PALLD: variants seen among roughly 807,000 people sequenced by gnomAD.
The protein encoded by PALLD is palladin.
Under a neutral mutation model 123.5 loss-of-function variants are expected in PALLD, and 61 were observed. The ratio of observed to expected loss-of-function variants is 0.49; its 90% CI spans 0.40 to 0.61. The LOEUF is 0.61. Among genes scored for constraint, PALLD ranks in the 20% least tolerant of loss-of-function variants. The pLI is 0.00. For missense variants in PALLD, 1,273 were observed against 1,377.0 expected, an observed-to-expected ratio of 0.92 and a Z score of 1.20; for synonymous variants, 465 against 496.4, an observed-to-expected ratio of 0.94 and a Z score of 0.84.
chr4:168,817,288 A>G (rs2150774164), intron 10 of PALLD, among the ~76,000 whole-genome samples: 1 of 152,336 alleles, frequency 6.6e-6, no homozygotes, highest in Admixed American at 6.5e-5. Flanking sequence ...GCACCATCAC[A>G]TTCCCTTTAT....
In PALLD at chr4:168,800,348, G is replaced by A. The variant is rs202011618; in HGVS notation, c.1964+88425G>A. 8.5e-5 allele frequency among the ~76,000 whole-genome samples: 13 copies of A among 152,212 alleles called. 1 individual carries two copies. In the East Asian group the frequency reaches 2.3e-3, roughly 27 times the overall value. ...GTGGAAAGTATTTGCAACTTATGTA[G>A]ACAACACTGGACCAGAATATGTGGG... is the stretch of plus-strand genomic sequence containing the variant. On this transcript the variant is annotated intron_variant, in intron 10 of 21. Coordinates refer to ENST00000505667, the MANE Select transcript of PALLD (RefSeq NM_001166108.2).
intron 1 of PALLD, among the ~76,000 whole-genome samples, chr4:168,509,669 T>A (rs1053279397): frequency 6.6e-6 from 1 of 152,032 alleles, no homozygotes; most frequent in African/African-American, 2.4e-5. Flanking sequence ...TGAAGAAGAG[T>A]GCGAAATATG....
chr4:168,926,315 C>T lies in PALLD; in HGVS notation c.*135C>T, dbSNP rs1314886283. 3.9e-6 allele frequency: 6 copies of T among 1,537,090 alleles called. No individual in the cohort carries two copies. The African/African-American group carries it at 4.1e-5, about 11-fold the overall frequency. On this transcript the variant is annotated 3_prime_UTR_variant, in exon 22 of 22. Transcript: ENST00000505667. ...GACCAGGGACTAGACATCAAAGCAGCGTTCCAACCTGAGGCCAACCCATCT... is the reference window on the plus strand; with the variant it reads ...GACCAGGGACTAGACATCAAAGCAGTGTTCCAACCTGAGGCCAACCCATCT...
chr4:168,795,485 G>A (rs1024875320), intron 10 of PALLD, among the ~76,000 whole-genome samples: 4 of 152,124 alleles, frequency 2.6e-5, no homozygotes, highest in Non-Finnish European at 5.9e-5. Flanking sequence ...AAATATGAAC[G>A]CTACAGCATC....
chr4:168,890,404 A>G (rs1004446034), intron 10 of PALLD, among the ~76,000 whole-genome samples: 2 of 152,216 alleles, frequency 1.3e-5, no homozygotes, highest in Admixed American at 6.5e-5. Context: ...GAAGGTAACA[A>G]ACTTAATATT....
chr4:168,903,956 G>A, intron 15 of PALLD, 50 bp downstream of exon 15: 1 of 1,509,852 alleles, frequency 6.6e-7, no homozygotes, highest in South Asian at 1.1e-5. Context: ...GTGCTTACAG[G>A]CATTTGATTA....
At chr4:168,849,455 G>T (rs1017641932) in intron 10 of PALLD, among the ~76,000 whole-genome samples, 2 of 152,182 alleles carry the variant, frequency 1.3e-5, no homozygotes, top group African/African-American at 4.8e-5. Context: ...GAAAGGAAGA[G>T]ACAGTGTATA....
chr4:168,671,529 T>C (rs1300982416), intron 3 of PALLD, among the ~76,000 whole-genome samples: 1 of 152,216 alleles, frequency 6.6e-6, no homozygotes, highest in Non-Finnish European at 1.5e-5. Context: ...GTAAGGAAAC[T>C]GGACATAGCA....
chr4:168,789,954 T>G (rs1299779573), intron 10 of PALLD, among the ~76,000 whole-genome samples: 3 of 152,114 alleles, frequency 2.0e-5, no homozygotes, highest in Non-Finnish European at 4.4e-5. Context: ...GCATAATTTT[T>G]GAAATATGCA....
At chr4:168,880,596 CA>C (rs1386352910) in intron 10 of PALLD, among the ~76,000 whole-genome samples, 4 of 152,194 alleles carry the variant, frequency 2.6e-5, no homozygotes, top group Non-Finnish European at 4.4e-5. Flanking sequence ...GAATTAAAAA[CA>C]AAAATGTTAC....
At chr4:168,830,090 G>A (rs1743978793) in intron 10 of PALLD, among the ~76,000 whole-genome samples, 1 of 152,058 alleles carries the variant, frequency 6.6e-6, no homozygotes, top group South Asian at 2.1e-4. Flanking sequence ...AAATTAGCTG[G>A]GTGTGGTGGC....
intron 2 of PALLD, among the ~76,000 whole-genome samples, chr4:168,550,422 T>C (rs1321680467): frequency 1.3e-5 from 2 of 152,154 alleles, no homozygotes; most frequent in Non-Finnish European, 2.9e-5. Context: ...TCTCTGTTCC[T>C]CTGGGATAAA....
At chr4:168,709,562 GGAAGGAAGGAAGGA>G (rs1784567425) in intron 9 of PALLD, among the ~76,000 whole-genome samples, 12 of 634 alleles carry the variant, frequency 0.019, 1 homozygote, top group East Asian at 0.045. Flanking sequence ...AAGGAAGGAA[GGAAGGAAGGAAGGA>G]AGGAAGGAAG....
chr4:168,746,515 T>G (rs1205980963), intron 10 of PALLD, among the ~76,000 whole-genome samples: 1 of 151,600 alleles, frequency 6.6e-6, no homozygotes, highest in African/African-American at 2.4e-5. Flanking sequence ...TATTCATCCC[T>G]GTGTCTCTGG....
intron 10 of PALLD, among the ~76,000 whole-genome samples, chr4:168,771,540 T>C (rs936494264): frequency 1.3e-5 from 2 of 152,142 alleles, no homozygotes; most frequent in Non-Finnish European, 2.9e-5. Context: ...CACAAAAATG[T>C]CACCTCATTC....
intron 10 of PALLD, among the ~76,000 whole-genome samples, chr4:168,752,661 A>T (rs58482383): frequency 0.075 from 11,359 of 152,150 alleles, 1,169 homozygotes; most frequent in East Asian, 0.31. Flanking sequence ...ACATTTACAC[A>T]CTTTCAAATG....
chr4:168,711,614 G>A lies in PALLD; in HGVS notation c.1655G>A (p.Gly552Glu), dbSNP rs374321216. Residue 552 changes from glycine to glutamate, a missense_variant, in exon 10 of 22, where the codon GGA becomes GAA. By Grantham distance (98) the Gly-to-Glu change is moderately conservative. Coordinates refer to ENST00000505667, the MANE Select transcript of PALLD (RefSeq NM_001166108.2). ...NTENCSYESM[G>E]ESNNDHFQHF... ...GAAAACTGTAGTTACGAGTCAATGGGAGAATCCAACAATGACCACTTCCAA... is the reference window on the plus strand; with the variant it reads ...GAAAACTGTAGTTACGAGTCAATGGAAGAATCCAACAATGACCACTTCCAA... 3.1e-6 allele frequency: 5 copies of A among 1,613,870 alleles called. No individual in the cohort carries two copies. Among genetic ancestry groups the A allele is most frequent in the Non-Finnish European group, 4.2e-6 (5 of 1,179,934 alleles).
At chr4:168,568,533 A>T (rs1768644463) in intron 2 of PALLD, among the ~76,000 whole-genome samples, 1 of 152,064 alleles carries the variant, frequency 6.6e-6, no homozygotes. Context: ...CTGTCTTTAA[A>T]TTTTTTTAAA....
chr4:168,922,102 TACACACACACACACACAC>T (rs35503011), intron 18 of PALLD, among the ~76,000 whole-genome samples: 72 of 132,628 alleles, frequency 5.4e-4, no homozygotes, highest in Admixed American at 2.2e-3. Context: ...TATATATATA[TACACACACACACACACAC>T]ACACACACAC....
Sources: allele counts gnomAD v4.1 joint callset (sites outside exome capture counted in the v4.1 genomes callset), GRCh38; gene constraint gnomAD v4.1.1; transcripts MANE v1.5; gene names NCBI Gene and HGNC (gene_info 2026-07-23, HGNC 2026-07-21).